The following RBFOX3 variants were observed in gnomAD, a reference collection of about 807,000 sequenced individuals.
RBFOX3 encodes RNA binding fox-1 homolog 3.
RBFOX3 carries 17 observed loss-of-function variants against 48.7 expected under a neutral mutation model. The observed-to-expected ratio is 0.35, with a 90% CI of 0.24 to 0.52. The LOEUF is 0.52. Ranked by LOEUF, RBFOX3 falls within the 20% of genes least tolerant of loss-of-function variation. RBFOX3 has a pLI of 0.94. For synonymous variants in RBFOX3, 212 were observed against 209.5 expected, an observed-to-expected ratio of 1.01 and a Z score of -0.10; for missense variants, 382 against 497.5, an observed-to-expected ratio of 0.77 and a Z score of 2.21.
At chr17:79,258,811 C>T (rs1428009629) in intron 3 of RBFOX3, among the ~76,000 whole-genome samples, 6 of 152,204 alleles carry the variant, frequency 3.9e-5, no homozygotes, top group African/African-American at 1.2e-4. Flanking sequence ...CCATCCTCCT[C>T]CTGCTCTGCC....
chr17:79,244,762 TCTTC>T (rs200198542), intron 3 of RBFOX3, among the ~76,000 whole-genome samples: 31,953 of 145,460 alleles, frequency 0.22, 3,844 homozygotes, highest in Non-Finnish European at 0.27. Flanking sequence ...TCCTTCCTTT[TCTTC>T]CTTCCTTCCT....
At chr17:79,284,542 G>C (rs1167694132) in intron 3 of RBFOX3, among the ~76,000 whole-genome samples, 1 of 39,026 alleles carries the variant, frequency 2.6e-5, no homozygotes, top group Non-Finnish European at 5.0e-5. Context: ...GAAGAGACTC[G>C]CTTTTTTTTT....
At chr17:79,620,459 ACACATGCACACG>A in the RBFOX3 span, among the ~76,000 whole-genome samples, 1 of 146,382 alleles carries the variant, frequency 6.8e-6, no homozygotes, top group African/African-American at 2.5e-5. Flanking sequence ...ACATGCGCAC[ACACATGCACACG>A]TGCACACACG....
In RBFOX3 at chr17:79,103,578, C is replaced by A. The variant is rs1471368799; in HGVS notation, c.415-324G>T. On this transcript the variant is annotated intron_variant, in intron 7 of 14. Transcript: ENST00000693108. This position sits in a 1 kb window ranked among gnomAD's most constrained non-coding sequence, Gnocchi z 6.1. ...ACGCCATACCTGACCACAGGCCAGG[C>A]CTGCCCCCTGAACCCCACCTTGGGG... is the stretch of plus-strand genomic sequence containing the variant. 6.6e-6 allele frequency among the ~76,000 whole-genome samples: 1 copy of A among 152,168 alleles called. No individual in the cohort carries two copies. The highest frequency in any genetic ancestry group is 1.9e-4 in the East Asian group (1 of 5,168).
the RBFOX3 span, among the ~76,000 whole-genome samples, chr17:79,637,742 G>GAGGGGAGGA: frequency 7.9e-6 from 1 of 126,696 alleles, no homozygotes; most frequent in African/African-American, 3.0e-5. Flanking sequence ...GGAGGGGAGG[G>GAGGGGAGGA]GAGGGGAGAG....
chr17:79,310,113 G>A (rs565002737), intron 2 of RBFOX3, among the ~76,000 whole-genome samples: 13 of 152,320 alleles, frequency 8.5e-5, no homozygotes, highest in African/African-American at 3.1e-4. Flanking sequence ...GGATGAATGT[G>A]TGAATGCACA....
the RBFOX3 span, among the ~76,000 whole-genome samples, chr17:79,629,870 T>C: frequency 6.6e-6 from 1 of 152,202 alleles, no homozygotes; most frequent in East Asian, 1.9e-4. Flanking sequence ...AAAAGATTTA[T>C]AAAACAGAAT....
At chr17:79,414,472 C>A (rs1035304423) in intron 2 of RBFOX3, among the ~76,000 whole-genome samples, 1 of 152,188 alleles carries the variant, frequency 6.6e-6, no homozygotes, top group Non-Finnish European at 1.5e-5. Flanking sequence ...TATGCAAATG[C>A]GGCGGGACGG....
At chr17:79,592,534 T>G (rs1343288653) in intron 1 of RBFOX3, among the ~76,000 whole-genome samples, 2 of 152,046 alleles carry the variant, frequency 1.3e-5, no homozygotes, top group Non-Finnish European at 2.9e-5. Flanking sequence ...CAACTGGAGC[T>G]GGATCCATGG....
Position 79,442,060 on chromosome 17 carries a change from G to A in RBFOX3, c.-175+40394C>T, listed in dbSNP as rs192654942. On this transcript the variant is annotated intron_variant, in intron 2 of 14. Transcript: ENST00000693108. ...CCAAGAGCAAAGATGCTCTTCAAAGGCCCTGGGGTGAAAGGGACGTGTTGG... is the reference window on the plus strand; with the variant it reads ...CCAAGAGCAAAGATGCTCTTCAAAGACCCTGGGGTGAAAGGGACGTGTTGG... Among the ~76,000 whole-genome samples, 895 of 151,624 alleles carry A rather than the reference G, an allele frequency of 5.9e-3. 7 individuals are homozygous for A. Among genetic ancestry groups the A allele is most frequent in the African/African-American group, 0.02 (833 of 41,294 alleles).
chr17:79,598,738 T>C (rs1010636618), intron 1 of RBFOX3: 1 of 152,110 alleles, frequency 6.6e-6, no homozygotes, highest in African/African-American at 2.4e-5. Context: ...AATAAGTTTT[T>C]GAGTTGTTGA....
At chr17:79,223,904 G>A (rs1288955395) in intron 4 of RBFOX3, among the ~76,000 whole-genome samples, 1 of 152,178 alleles carries the variant, frequency 6.6e-6, no homozygotes, top group Admixed American at 6.5e-5. Flanking sequence ...TGACAGAGGG[G>A]CCAAGAGGAA....
intron 1 of RBFOX3, among the ~76,000 whole-genome samples, chr17:79,549,536 A>G (rs1470974984): frequency 2.6e-5 from 4 of 152,264 alleles, no homozygotes; most frequent in African/African-American, 7.2e-5. Flanking sequence ...AAGGATCATA[A>G]CAATGATTTG....
chr17:79,215,703 G>C (rs766503636), intron 4 of RBFOX3, among the ~76,000 whole-genome samples: 1 of 152,244 alleles, frequency 6.6e-6, no homozygotes, highest in Non-Finnish European at 1.5e-5. Context: ...ATGGCTGGAC[G>C]TAGCCCAGCA....
At chr17:79,184,766 G>A (rs1229642379) in intron 4 of RBFOX3, among the ~76,000 whole-genome samples, 1 of 152,256 alleles carries the variant, frequency 6.6e-6, no homozygotes, top group Non-Finnish European at 1.5e-5. Context: ...AGTGAGCCCT[G>A]AGCTGGAGGG....
At chr17:79,301,539 G>A (rs988974166) in intron 3 of RBFOX3, among the ~76,000 whole-genome samples, 1 of 152,234 alleles carries the variant, frequency 6.6e-6, no homozygotes, top group Non-Finnish European at 1.5e-5. Flanking sequence ...CAGTCTCACA[G>A]GCTCTGCCTT....
upstream of RBFOX3, among the ~76,000 whole-genome samples, chr17:79,615,369 G>C (rs1206686312): frequency 6.6e-6 from 1 of 152,146 alleles, no homozygotes; most frequent in Non-Finnish European, 1.5e-5. Context: ...AGAGGGCAAT[G>C]AGGGATGGAA....
At chr17:79,447,515 G>A (rs2072584712) in intron 2 of RBFOX3, among the ~76,000 whole-genome samples, 1 of 152,214 alleles carries the variant, frequency 6.6e-6, no homozygotes. Flanking sequence ...ACGGTGCACA[G>A]TCCCATTTTA....
intron 3 of RBFOX3, among the ~76,000 whole-genome samples, chr17:79,276,684 TA>T (rs2068922451): frequency 6.6e-6 from 1 of 151,904 alleles, no homozygotes; most frequent in African/African-American, 2.4e-5. Flanking sequence ...GACTCTGCCT[TA>T]AAAAAACAAA....
Sources: allele counts gnomAD v4.1 joint callset (sites outside exome capture counted in the v4.1 genomes callset), GRCh38; gene constraint gnomAD v4.1.1; non-coding constraint Gnocchi (gnomAD v3.1); transcripts MANE v1.5; gene names NCBI Gene and HGNC (gene_info 2026-07-23, HGNC 2026-07-21).